The following GEMIN5 variants were observed in gnomAD, a reference collection of about 807,000 sequenced individuals.
The protein encoded by GEMIN5 is gem-associated protein 5.
A neutral mutation model predicts 176.9 loss-of-function variants in GEMIN5; 124 were observed. That is an observed-to-expected ratio of 0.70 (90% CI 0.61 to 0.81). The LOEUF is 0.81. GEMIN5 is among the 40% of genes least tolerant of loss of function. GEMIN5 has a pLI of 0.00. For missense variants in GEMIN5, 1,843 were observed against 1,814.6 expected, an observed-to-expected ratio of 1.02 and a Z score of -0.28; for synonymous variants, 673 against 665.2, an observed-to-expected ratio of 1.01 and a Z score of -0.18.
Position 154,928,567 on chromosome 5 carries a change from G to C in GEMIN5, c.874C>G (p.Pro292Ala), listed in dbSNP as rs745752577. ...KERLWLTLHW[P>A]SNQPTQLVSS... is the part of the protein sequence containing the mutation. Reference sequence around the variant, plus strand: ...ACCAGCTGTGTTGGTTGATTGCTGGGCCAATGGAGTGTCAACCAAAGGCGC... The same window carrying C: ...ACCAGCTGTGTTGGTTGATTGCTGGCCCAATGGAGTGTCAACCAAAGGCGC... The change falls in exon 6 of 28, where the codon CCC becomes GCC. Residue 292 changes from proline to alanine, a missense_variant. Coordinates refer to ENST00000285873, the MANE Select transcript of GEMIN5 (RefSeq NM_015465.5). 4 of 1,613,982 alleles carry C rather than the reference G, an allele frequency of 2.5e-6. No homozygotes were observed. The highest frequency in any genetic ancestry group is 3.4e-6 in the Non-Finnish European group (4 of 1,179,866).
At chr5:154,889,002 G>A (rs1763166180) in intron 27 of GEMIN5, among the ~76,000 whole-genome samples, 2 of 151,692 alleles carry the variant, frequency 1.3e-5, no homozygotes, top group African/African-American at 4.8e-5. Context: ...TCAGCCTCCC[G>A]AGTAACTGGG....
At chr5:154,906,370 C>T (rs1191215949) in intron 16 of GEMIN5, among the ~76,000 whole-genome samples, 1 of 152,136 alleles carries the variant, frequency 6.6e-6, no homozygotes, top group African/African-American at 2.4e-5. Flanking sequence ...AGTTCCTATA[C>T]TTTGCTCAGG....
Position 154,932,157 on chromosome 5 carries a change from T to G in GEMIN5, c.603A>C (p.Ile201=). The G allele has an allele frequency of 1.2e-6, 2 of 1,612,780 alleles. No individual in the cohort carries two copies. The highest frequency in any genetic ancestry group is 1.7e-6 in the Non-Finnish European group (2 of 1,178,700). ...CTTCACCAGGCAGGGGACACCAGGC[T>G]ATGGAGTGGATTTCATCATCATGGC... ...LRGHDDEIHS[I]AWCPLPGEDC... is the part of the protein sequence containing the mutation. The change falls in exon 4 of 28, where the codon ATA becomes ATC. Residue 201 remains isoleucine, a synonymous_variant. Coordinates refer to ENST00000285873, the MANE Select transcript of GEMIN5 (RefSeq NM_015465.5).
chr5:154,907,609 A>G lies in GEMIN5; in HGVS notation c.2377T>C (p.Cys793Arg). 6.2e-7 allele frequency: 1 copy of G among 1,613,508 alleles called. No homozygotes were observed. Among genetic ancestry groups the G allele is most frequent in the Non-Finnish European group, 8.5e-7 (1 of 1,179,404 alleles). The part of the protein sequence containing the change: ...EEQAREPELP[C>R]GLAPAVSREP... ...CACATACCCGCTGGAGCAAGGCCAC[A>G]GGGTAATTCCGGCTCCCGTGCTTGC... The change falls in exon 16 of 28, where the codon TGT becomes CGT. Residue 793 changes from cysteine to arginine, a missense_variant. Coordinates refer to ENST00000285873, the MANE Select transcript of GEMIN5 (RefSeq NM_015465.5).
intron 22 of GEMIN5, 121 bp downstream of exon 22, chr5:154,899,070 C>G (rs541182866): frequency 1.0e-6 from 1 of 957,586 alleles, no homozygotes. Context: ...ATATACATAT[C>G]TTTTAAATAA....
chr5:154,899,483 G>A (rs758202032), intron 21 of GEMIN5, among the ~76,000 whole-genome samples, 173 bp from the exon 22 acceptor site: 27 of 152,152 alleles, frequency 1.8e-4, no homozygotes, highest in African/African-American at 5.3e-4. Flanking sequence ...TGCTGCATTC[G>A]TTTCTTCACT....
chr5:154,902,658 T>C lies in GEMIN5; in HGVS notation c.2747A>G (p.Asn916Ser), dbSNP rs539024094. ...CTGGTGAAATAACTCAGGGTGGCCA[T>C]TTTCTAAGTGACCTTTTCCTGTTTG... The part of the protein sequence containing the change: ...IDIEGKGHLE[N>S]GHPELFHQLM... The change falls in exon 20 of 28, where the codon AAT becomes AGT. Residue 916 changes from asparagine (N) to serine (S), a missense_variant. Transcript: ENST00000285873. 4.9e-5 allele frequency: 79 copies of C among 1,613,988 alleles called. 1 individual carries two copies. In the East Asian group the frequency reaches 1.7e-3, roughly 36 times the overall value.
chr5:154,889,810 G>A (rs975442842), intron 26 of GEMIN5, among the ~76,000 whole-genome samples: 1 of 152,088 alleles, frequency 6.6e-6, no homozygotes, highest in Admixed American at 6.5e-5. Context: ...TCCTCCCTTC[G>A]TAAGGCTGAA....
chr5:154,926,838 G>T (rs1008951317), intron 7 of GEMIN5, among the ~76,000 whole-genome samples: 4 of 152,190 alleles, frequency 2.6e-5, no homozygotes, highest in Admixed American at 6.5e-5. Flanking sequence ...GAGGTCAGGA[G>T]ATCGAGGCCA....
chr5:154,908,076 A>G (rs1041957626), intron 15 of GEMIN5, among the ~76,000 whole-genome samples: 3 of 151,804 alleles, frequency 2.0e-5, no homozygotes, highest in Non-Finnish European at 2.9e-5. Context: ...CGACGTCACC[A>G]TAGTACAACC....
At position 154,891,465 on chromosome 5, in the gene GEMIN5, T is replaced by C; in HGVS notation, c.4038A>G (p.Thr1346=). The change falls in exon 26 of 28, where the codon ACA becomes ACG. Residue 1346 remains threonine (T), a synonymous_variant. Transcript: ENST00000285873. ...TACTCAGCATTCGCTCACCTTCTTC[T>C]GTGAGTCTCAAGTCTAGTTCTGAAG... is the stretch of plus-strand genomic sequence containing the variant. ...NRPSELDLRL[T]EEGERMLSTF... 2 of 1,614,186 alleles carry C rather than the reference T, an allele frequency of 1.2e-6. No individual in the cohort carries two copies. Among genetic ancestry groups the C allele is most frequent in the Non-Finnish European group, 1.7e-6 (2 of 1,180,028 alleles).
At chr5:154,918,957 C>T (rs1763865220) in intron 11 of GEMIN5, among the ~76,000 whole-genome samples, 1 of 152,116 alleles carries the variant, frequency 6.6e-6, no homozygotes, top group South Asian at 2.1e-4. Flanking sequence ...ATGAGAATCA[C>T]TTGATTCCAG....
At chr5:154,896,722 C>T (rs1441051735) in intron 23 of GEMIN5, among the ~76,000 whole-genome samples, 1 of 152,150 alleles carries the variant, frequency 6.6e-6, no homozygotes, top group African/African-American at 2.4e-5. Flanking sequence ...ACTTTGGACT[C>T]AGGAATAAAA....
chr5:154,928,824 G>A (rs1275544463), intron 5 of GEMIN5, among the ~76,000 whole-genome samples, 165 bp from the exon 6 acceptor site: 2 of 152,052 alleles, frequency 1.3e-5, no homozygotes, highest in Non-Finnish European at 2.9e-5. Context: ...CCATTATTAT[G>A]GTTATAATTT....
chr5:154,917,178 A>G lies in GEMIN5; in HGVS notation c.1675T>C (p.Ser559Pro). ...KIMALGNEDG[S>P]IEIFQIPNLK... ...TTGGGAATCTGAAATATTTCTATTG[A>G]TCTGGAATAAGAAACACATCAAAAC... is the stretch of plus-strand genomic sequence containing the variant. The change falls in exon 13 of 28, where the codon TCA becomes CCA. Residue 559 changes from serine (S) to proline (P), a missense_variant and splice_region_variant. Ser to Pro is a moderately conservative substitution (Grantham distance 74). Transcript: ENST00000285873. 6.7e-7 allele frequency: 1 copy of G among 1,485,652 alleles called. No homozygotes were observed. Among genetic ancestry groups the G allele is most frequent in the African/African-American group, 1.4e-5 (1 of 71,704 alleles). The allele number at this position is 1,485,652 out of a possible 1,614,324, so 92.0% of individuals were successfully genotyped here. A position where few individuals can be genotyped will look rare whatever the true frequency, so the allele number is the denominator to read the frequency against.
chr5:154,902,181 A>G (rs1026672592), intron 20 of GEMIN5, among the ~76,000 whole-genome samples: 10 of 152,214 alleles, frequency 6.6e-5, no homozygotes, highest in African/African-American at 2.2e-4. Context: ...CACAGGCACA[A>G]TTAACAGAGC....
chr5:154,929,511 T>C (rs1416120613), intron 5 of GEMIN5, among the ~76,000 whole-genome samples: 3 of 152,184 alleles, frequency 2.0e-5, no homozygotes, highest in Admixed American at 6.5e-5. Flanking sequence ...CTTTAAAAAA[T>C]ACATACGCCA....
Position 154,931,445 on chromosome 5 carries a change from A to T in GEMIN5, c.781+13T>A. ...CAACATAGGTTACATCACAAAAGAA[A>T]GATCAATCTTACCTCGGCCTCTAGA... On this transcript the variant is annotated intron_variant, in intron 5 of 27. Transcript: ENST00000285873. The T allele has an allele frequency of 1.3e-6, 2 of 1,596,474 alleles. No homozygotes were observed. Among genetic ancestry groups the T allele is most frequent in the Non-Finnish European group, 1.7e-6 (2 of 1,167,818 alleles).
intron 15 of GEMIN5, among the ~76,000 whole-genome samples, chr5:154,910,743 G>A (rs1396954038): frequency 2.6e-5 from 4 of 152,170 alleles, no homozygotes; most frequent in African/African-American, 9.7e-5. Flanking sequence ...GTGTCACCCA[G>A]GCTGGAGTAC....
Sources: allele counts gnomAD v4.1 joint callset (sites outside exome capture counted in the v4.1 genomes callset), GRCh38; gene constraint gnomAD v4.1.1; transcripts MANE v1.5; gene names NCBI Gene and HGNC (gene_info 2026-07-23, HGNC 2026-07-21).